CR1: variants seen among roughly 807,000 people sequenced by gnomAD.
CR1 encodes the protein complement C3b/C4b receptor 1 (Knops blood group), also known as complement receptor type 1.
CR1 carries 116 observed loss-of-function variants against 187.3 expected under a neutral mutation model. That is an observed-to-expected ratio of 0.62 (90% confidence interval 0.53 to 0.72). The LOEUF is 0.72. CR1 is among the 30% of genes least tolerant of loss of function. The pLI, the probability that CR1 is intolerant of heterozygous loss-of-function variation, is 0.00. For missense variants in CR1, 1,731 were observed against 2,110.7 expected, an observed-to-expected ratio of 0.82 and a Z score of 3.52; for synonymous variants, 576 against 747.1, an observed-to-expected ratio of 0.77 and a Z score of 3.73.
intron 25 of CR1, 22 bp downstream of exon 25, chr1:207,568,064 T>A: frequency 6.2e-7 from 1 of 1,610,850 alleles, no homozygotes; most frequent in Non-Finnish European, 8.5e-7. Flanking sequence ...TTTCCCCACA[T>A]CCCTAATGGG....
Position 207,614,329 on chromosome 1 carries a change from A to G in CR1, c.6576-75A>G, listed in dbSNP as rs1385954160. On this transcript the variant is annotated intron_variant, in intron 39 of 46. Coordinates refer to ENST00000367049, the MANE Select transcript of CR1 (RefSeq NM_000651.6). The stretch of plus-strand genomic sequence containing the variant: ...GGAGGAAATGGTAGTGAGGAAGCTG[A>G]GCATCTATTAGCGAAGAAATCAAGG... 5.3e-6 allele frequency: 6 copies of G among 1,141,814 alleles called. No individual in the cohort carries two copies. The Admixed American group carries it at 1.1e-4, about 21-fold the overall frequency. The allele number at this position is 1,141,814 out of a possible 1,614,324, so 70.7% of individuals were successfully genotyped here. A position where few individuals can be genotyped will look rare whatever the true frequency, so the allele number is the denominator to read the frequency against.
intron 3 of CR1, among the ~76,000 whole-genome samples, chr1:207,508,996 C>A (rs12092229): frequency 1.9e-4 from 29 of 152,298 alleles, no homozygotes; most frequent in African/African-American, 6.5e-4. Context: ...CTACCCTTAA[C>A]CTTTGTGCTC....
intron 33 of CR1, among the ~76,000 whole-genome samples, chr1:207,585,308 T>A (rs968251901): frequency 4.6e-5 from 7 of 152,242 alleles, no homozygotes; most frequent in Admixed American, 2.0e-4. Flanking sequence ...ATTATTTAGC[T>A]AAGGTTTTAA....
Position 207,616,619 on chromosome 1 carries a change from A to G in CR1, c.6706A>G (p.Thr2236Ala). ...TCCAGCTATCCTTAATGGGAGACAC[A>G]CAGGAACTCCCTTTGGAGATATTCC... ...NPPAILNGRH[T>A]GTPFGDIPYG... The change falls in exon 41 of 47, where the codon ACA becomes GCA. Residue 2236 changes from threonine (T) to alanine (A), a missense_variant. Coordinates refer to ENST00000367049, the MANE Select transcript of CR1 (RefSeq NM_000651.6). 4 of 1,613,782 alleles carry G rather than the reference A, an allele frequency of 2.5e-6. No individual in the cohort carries two copies. Among genetic ancestry groups the G allele is most frequent in the Non-Finnish European group, 3.4e-6 (4 of 1,179,724 alleles).
rs763422151 is a variant in CR1, at chr1:207,616,715, G to T, written c.6802G>T (p.Glu2268Ter). 16 of 1,613,796 alleles carry T rather than the reference G, an allele frequency of 9.9e-6. No homozygotes were observed. Among genetic ancestry groups the T allele is most frequent in the Admixed American group, 3.3e-5 (2 of 59,978 alleles). ...AGGGATGACCTTCAACCTCATTGGG[G>T]AGAGCTCCATCCGCTGCACAAGTGA... ...DRGMTFNLIG[E>*]SSIRCTSDPQ... The change falls in exon 41 of 47, where the codon GAG (glutamate) becomes TAG (stop). Residue 2268 changes from glutamate to a stop codon, truncating the protein, a stop_gained. Transcript: ENST00000367049. LOFTEE classifies it high-confidence loss of function.
chr1:207,578,203 G>T lies in CR1; in HGVS notation c.4936G>T (p.Val1646Leu), dbSNP rs1435525629. 7 of 1,611,872 alleles carry T rather than the reference G, an allele frequency of 4.3e-6. No individual in the cohort carries two copies. The highest frequency in any genetic ancestry group is 5.9e-6 in the Non-Finnish European group (7 of 1,179,722). Residue 1646 changes from valine to leucine, a missense_variant and splice_region_variant, in exon 29 of 47, where the codon GTG becomes TTG. Around this residue, in one of 5 missense-constraint regions of CR1, gnomAD observed 1,312 missense variants for 1,379.6 expected, o/e 0.95. Transcript: ENST00000367049. ...GCCAGAGTTACCAAGCTGCTCCAGG[G>T]GTGAGTCTGACTGATGCCTAGAAGG... is the stretch of plus-strand genomic sequence containing the variant. ...WEPELPSCSR[V>L]CQPPPEILHG...
chr1:207,614,521 C>T (rs776990244), intron 40 of CR1, 32 bp downstream of exon 40: 3 of 1,575,842 alleles, frequency 1.9e-6, no homozygotes, highest in African/African-American at 1.4e-5. Context: ...GTTTGGATAG[C>T]TCTCCTTATT....
chr1:207,521,229 G>A (rs1252305795), intron 4 of CR1, among the ~76,000 whole-genome samples: 2 of 151,718 alleles, frequency 1.3e-5, no homozygotes, highest in East Asian at 1.9e-4. Flanking sequence ...TGCCCACCTC[G>A]GCCTCCCAAA....
intron 27 of CR1, 23 bp from the exon 28 acceptor site, chr1:207,575,572 G>T (rs754193755): frequency 3.7e-6 from 6 of 1,611,654 alleles, no homozygotes; most frequent in Non-Finnish European, 5.1e-6. Flanking sequence ...ACAGGACAAT[G>T]ATTTTCCATT....
intron 1 of CR1, among the ~76,000 whole-genome samples, chr1:207,501,776 G>A (rs770629071): frequency 9.2e-5 from 14 of 152,130 alleles, no homozygotes; most frequent in African/African-American, 1.9e-4. Flanking sequence ...AGCTTTTGGC[G>A]CTAGGCACTT....
chr1:207,627,044 C>A (rs1830763), intron 45 of CR1, among the ~76,000 whole-genome samples: 127,814 of 151,980 alleles, frequency 0.84, 54,098 homozygotes, highest in African/African-American at 0.91. Context: ...ATCTGAAAAA[C>A]ATAAATAAAT....
chr1:207,522,435 T>C (rs1660027092), intron 4 of CR1, among the ~76,000 whole-genome samples: 2 of 152,218 alleles, frequency 1.3e-5, no homozygotes, highest in Admixed American at 6.5e-5. Context: ...TGGACTTCCA[T>C]TGTTGTCCCT....
At chr1:207,523,348 T>A (rs998794804) in intron 4 of CR1, among the ~76,000 whole-genome samples, 1 of 152,162 alleles carries the variant, frequency 6.6e-6, no homozygotes, top group African/African-American at 2.4e-5. Flanking sequence ...AACACTATGA[T>A]CAAAGAGCTA....
intron 39 of CR1, among the ~76,000 whole-genome samples, chr1:207,612,903 A>G (rs1661976762): frequency 6.6e-6 from 1 of 152,214 alleles, no homozygotes; most frequent in Non-Finnish European, 1.5e-5. Context: ...CAGCACACTA[A>G]TGGCTCTTAG....
intron 4 of CR1, among the ~76,000 whole-genome samples, chr1:207,514,934 T>C (rs890334538): frequency 1.4e-3 from 214 of 149,954 alleles, no homozygotes; most frequent in African/African-American, 4.9e-3. Context: ...GTTTTTTTTT[T>C]TCCAACCATT....
chr1:207,633,932 T>A (rs769603676), intron 46 of CR1, among the ~76,000 whole-genome samples: 2 of 152,078 alleles, frequency 1.3e-5, no homozygotes, highest in Non-Finnish European at 2.9e-5. Flanking sequence ...CTTTGTTCTC[T>A]GGCGGGCAGA....
At chr1:207,566,920 G>A (rs1223961761) in intron 24 of CR1, among the ~76,000 whole-genome samples, 1 of 150,130 alleles carries the variant, frequency 6.7e-6, no homozygotes, top group African/African-American at 2.5e-5. Flanking sequence ...GTAAAATTTT[G>A]GAAGAACATA....
At chr1:207,619,840 CAA>C in intron 42 of CR1, 38 bp from the exon 43 acceptor site, 1 of 1,519,136 alleles carries the variant, frequency 6.6e-7, no homozygotes, top group Non-Finnish European at 8.9e-7. Context: ...GGACAATCAA[CAA>C]TAAAATATCA....
intron 46 of CR1, among the ~76,000 whole-genome samples, chr1:207,635,544 T>C (rs1662786547): frequency 6.6e-6 from 1 of 152,172 alleles, no homozygotes; most frequent in African/African-American, 2.4e-5. Context: ...AATCGGGTTT[T>C]ACACCGAGAC....
Sources: gnomAD v4.1 joint callset for allele counts (sites outside exome capture counted in the v4.1 genomes callset) on GRCh38, gnomAD v4.1.1 for gene constraint, gnomAD v4.1.1 regional missense constraint, MANE v1.5 for transcripts, NCBI Gene and HGNC (gene_info 2026-07-23, HGNC 2026-07-21) for gene names.